The following DNM3 variants were observed in gnomAD, a reference collection of about 807,000 sequenced individuals.
DNM3 encodes the protein dynamin-3.
DNM3 carries 47 observed loss-of-function variants against 101.6 expected under a neutral mutation model. The observed-to-expected ratio is 0.46, with a 90% confidence interval of 0.37 to 0.59. The LOEUF is 0.59. DNM3 is among the 20% of genes least tolerant of loss of function. DNM3 has a pLI of 0.00. For missense variants in DNM3, 849 were observed against 1,085.7 expected (o/e 0.78, Z 3.06); for synonymous variants, 385 against 387.9 (o/e 0.99, Z 0.09).
At chr1:171,895,295 T>C (rs1157086731) in intron 1 of DNM3, among the ~76,000 whole-genome samples, 2 of 152,310 alleles carry the variant, frequency 1.3e-5, no homozygotes, top group Non-Finnish European at 2.9e-5. Context: ...CTCTCCAGCA[T>C]CTGTTGTTTC....
chr1:171,896,921 G>GA (rs1171533069), intron 1 of DNM3, among the ~76,000 whole-genome samples: 3 of 152,050 alleles, frequency 2.0e-5, no homozygotes, highest in African/African-American at 7.2e-5. Context: ...TTTCTAAAGG[G>GA]AAAAATTTGC....
At chr1:172,244,835 C>T (rs1014508005) in intron 14 of DNM3, among the ~76,000 whole-genome samples, 3 of 152,166 alleles carry the variant, frequency 2.0e-5, no homozygotes, top group African/African-American at 4.8e-5. Flanking sequence ...TACCATTTGA[C>T]CCAACCATCC....
chr1:172,092,850 A>C lies in DNM3; in HGVS notation c.1520A>C (p.His507Pro), dbSNP rs1457423711. 1 of 1,560,120 alleles carries C rather than the reference A, an allele frequency of 6.4e-7. No homozygotes were observed. Among genetic ancestry groups the C allele is most frequent in the Non-Finnish European group, 8.7e-7 (1 of 1,151,002 alleles). ...GCTCAGCAGAGGAGCAGTCAGGTTC[A>C]CAAGAAAACCACAGTTGGAAATCAG... Reference protein sequence around the residue: ...ANAQQRSSQVHKKTTVGNQVI... With the variant: ...ANAQQRSSQVPKKTTVGNQVI... The change falls in exon 13 of 21, where the codon CAC becomes CCC. Residue 507 changes from histidine to proline, a missense_variant. Transcript: ENST00000627582.
intron 1 of DNM3, among the ~76,000 whole-genome samples, chr1:171,850,630 C>T (rs1269334237): frequency 6.6e-6 from 1 of 152,204 alleles, no homozygotes; most frequent in Admixed American, 6.5e-5. Context: ...GACCTGCATA[C>T]TGAAGTCCTT....
At chr1:172,398,778 G>T (rs1157785325) in intron 20 of DNM3, among the ~76,000 whole-genome samples, 2 of 152,132 alleles carry the variant, frequency 1.3e-5, no homozygotes, top group Non-Finnish European at 2.9e-5. Context: ...GGTTTTCATA[G>T]ATTTTCCGTC....
chr1:171,857,446 A>G (rs1174242243), intron 1 of DNM3, among the ~76,000 whole-genome samples: 2 of 152,162 alleles, frequency 1.3e-5, no homozygotes, highest in East Asian at 1.9e-4. Context: ...AGTAAAATTC[A>G]TAGAAGTAAA....
At chr1:172,189,001 T>A (rs917753268) in intron 14 of DNM3, among the ~76,000 whole-genome samples, 19 of 152,130 alleles carry the variant, frequency 1.2e-4, no homozygotes, top group African/African-American at 4.1e-4. Flanking sequence ...GTGTTTTGTG[T>A]CTAAGTCTGT....
At chr1:172,278,799 G>A (rs1466011824) in intron 15 of DNM3, among the ~76,000 whole-genome samples, 2 of 152,112 alleles carry the variant, frequency 1.3e-5, no homozygotes, top group African/African-American at 4.8e-5. Context: ...CCCAGCACAT[G>A]CTGACTAGAG....
chr1:172,227,944 C>T (rs1040155603), intron 14 of DNM3, among the ~76,000 whole-genome samples: 10 of 152,056 alleles, frequency 6.6e-5, no homozygotes, highest in African/African-American at 1.9e-4. Context: ...AGTTTAGTAA[C>T]ATGTTTTATT....
At chr1:171,976,419 T>C (rs982766287) in intron 2 of DNM3, among the ~76,000 whole-genome samples, 1 of 152,212 alleles carries the variant, frequency 6.6e-6, no homozygotes, top group Non-Finnish European at 1.5e-5. Context: ...ACATCTTATA[T>C]GGCGGCAGGC....
intron 13 of DNM3, among the ~76,000 whole-genome samples, chr1:172,114,987 A>G (rs1371054974): frequency 6.6e-6 from 1 of 152,198 alleles, no homozygotes; most frequent in Non-Finnish European, 1.5e-5. Context: ...TGATTAAGAA[A>G]TGACACTAAA....
At chr1:171,851,569 A>G (rs533036002) in intron 1 of DNM3, among the ~76,000 whole-genome samples, 4 of 152,264 alleles carry the variant, frequency 2.6e-5, no homozygotes, top group South Asian at 4.1e-4. Context: ...GTGCGCCACC[A>G]CACCTGGCTA....
chr1:171,985,420 T>C (rs573768218), intron 2 of DNM3, among the ~76,000 whole-genome samples: 2 of 152,334 alleles, frequency 1.3e-5, no homozygotes, highest in South Asian at 2.1e-4. Flanking sequence ...GGCTCTATCT[T>C]CTGGGAATTT....
chr1:171,977,864 C>G (rs1162002549), intron 2 of DNM3, among the ~76,000 whole-genome samples: 1 of 152,206 alleles, frequency 6.6e-6, no homozygotes, highest in Non-Finnish European at 1.5e-5. Context: ...CAATTACAAC[C>G]TGAACATTAC....
At chr1:172,081,091 C>CTATTAT (rs149223276) in intron 11 of DNM3, among the ~76,000 whole-genome samples, 5,549 of 152,064 alleles carry the variant, frequency 0.036, 222 homozygotes, top group East Asian at 0.13. Context: ...CAGCCACCAC[C>CTATTAT]TATTATTATT....
chr1:171,978,091 A>G (rs1350359040), intron 2 of DNM3, among the ~76,000 whole-genome samples: 1 of 152,120 alleles, frequency 6.6e-6, no homozygotes, highest in East Asian at 1.9e-4. Flanking sequence ...TTATTCATCA[A>G]TTCTACAAAT....
chr1:172,305,741 T>C (rs1199222280), intron 15 of DNM3, among the ~76,000 whole-genome samples: 1 of 152,148 alleles, frequency 6.6e-6, no homozygotes, highest in Non-Finnish European at 1.5e-5. Context: ...CACAAATCAA[T>C]AAACATAATT....
intron 14 of DNM3, among the ~76,000 whole-genome samples, chr1:172,169,829 G>T (rs966162911): frequency 1.4e-4 from 21 of 151,728 alleles, no homozygotes; most frequent in Admixed American, 2.0e-4. Context: ...CTAAAAAATG[G>T]TTTGTTGTGA....
chr1:172,185,638 C>G (rs533212191), intron 14 of DNM3, among the ~76,000 whole-genome samples: 52 of 152,132 alleles, frequency 3.4e-4, no homozygotes, highest in African/African-American at 1.2e-3. Context: ...TGTGTTTGTG[C>G]ACTTAGGAAT....
Sources: allele counts gnomAD v4.1 joint callset (sites outside exome capture counted in the v4.1 genomes callset), GRCh38; gene constraint gnomAD v4.1.1; transcripts MANE v1.5; gene names NCBI Gene and HGNC (gene_info 2026-07-23, HGNC 2026-07-21).